The following VEGFA variants were observed in gnomAD, a reference collection of about 807,000 sequenced individuals.
The protein encoded by VEGFA is vascular endothelial growth factor A.
A neutral mutation model predicts 49.7 loss-of-function variants in VEGFA; 20 were observed. The ratio of observed to expected loss-of-function variants is 0.40; its 90% confidence interval spans 0.28 to 0.58. VEGFA has a LOEUF of 0.58. VEGFA is among the 20% of genes least tolerant of loss of function. The pLI is 0.40. For missense variants in VEGFA, 505 were observed against 553.5 expected, an observed-to-expected ratio of 0.91 and a Z score of 0.88; for synonymous variants, 219 against 223.4, an observed-to-expected ratio of 0.98 and a Z score of 0.18.
At chr6:43,775,574 C>T (rs1221485693) in intron 2 of VEGFA, 1 of 152,284 alleles carries the variant, frequency 6.6e-6, no homozygotes, top group Non-Finnish European at 1.5e-5. Context: ...TTACCAACCC[C>T]TTGCCCAGGC....
rs1457663984 is a variant in VEGFA, at chr6:43,771,116, A to G, written c.410A>G (p.Gln137Arg). The stretch of plus-strand genomic sequence containing the variant: ...AGTGCTCCAGCCGCGCGCGCTCCCC[A>G]GGCCCTGGCCCGGGCCTCGGGCCGG... Residue 137 changes from glutamine (Q) to arginine (R), a missense_variant, in exon 1 of 8, where the codon CAG becomes CGG. Around this residue, in one of 2 missense-constraint regions of VEGFA, gnomAD observed 340 missense variants for 321.8 expected, o/e 1.06. Transcript: ENST00000672860. The G allele has an allele frequency of 9.5e-6, 14 of 1,477,450 alleles. No homozygotes were observed. In the South Asian group the frequency reaches 1.5e-4, roughly 16 times the overall value. 91.5% of individuals were successfully genotyped at this position (1,477,450 alleles called of 1,614,324 possible).
chr6:43,779,051 T>A, intron 5 of VEGFA, 133 bp downstream of exon 5: 1 of 1,210,336 alleles, frequency 8.3e-7, no homozygotes, highest in Non-Finnish European at 1.2e-6. Flanking sequence ...GGACTTGTGG[T>A]GGCAGCAACA....
At chr6:43,774,979 C>G (rs1252573263) in intron 2 of VEGFA, 2 of 167,766 alleles carry the variant, frequency 1.2e-5, no homozygotes, top group African/African-American at 2.4e-5. Context: ...TGCCCAACCC[C>G]GAGTCCGCCT....
At chr6:43,780,825 T>C (rs1244112248) in intron 6 of VEGFA, 22 bp downstream of exon 6, 1 of 1,613,744 alleles carries the variant, frequency 6.2e-7, no homozygotes, top group Non-Finnish European at 8.5e-7. Flanking sequence ...CCCGCTGCTG[T>C]CTAATGCCCT....
intron 6 of VEGFA, chr6:43,781,640 G>A: frequency 2.6e-6 from 1 of 384,578 alleles, no homozygotes; most frequent in Non-Finnish European, 5.0e-6. Context: ...GGGGGCAACA[G>A]CAGTTGGGTC....
Position 43,786,254 on chromosome 6 carries a change from A to G in VEGFA, c.*1692A>G, listed in dbSNP as rs1385009536. The G allele has an allele frequency of 1.5e-4, 26 of 179,226 alleles. No individual in the cohort carries two copies. The Admixed American group carries it at 1.6e-3, about 11-fold the overall frequency. 11.1% of individuals were successfully genotyped at this position (179,226 alleles called of 1,614,324 possible). On this transcript the variant is annotated 3_prime_UTR_variant, in exon 8 of 8. Coordinates refer to ENST00000672860, the MANE Select transcript of VEGFA (RefSeq NM_003376.6). ...CAAGAAAAAATAGAGAATTCTACATACTAAATCTCTCTCCTTTTTTAATTT... is the reference window on the plus strand; with the variant it reads ...CAAGAAAAAATAGAGAATTCTACATGCTAAATCTCTCTCCTTTTTTAATTT...
chr6:43,770,627 T>A lies in VEGFA; in HGVS notation c.-80T>A. The A allele has an allele frequency of 6.8e-7, 1 of 1,469,118 alleles. No individual in the cohort carries two copies. The highest frequency in any genetic ancestry group is 8.9e-7 in the Non-Finnish European group (1 of 1,119,860). 91.0% of individuals were successfully genotyped at this position (1,469,118 alleles called of 1,614,324 possible). A position where few individuals can be genotyped will look rare whatever the true frequency, so the allele number is the denominator to read the frequency against. The stretch of plus-strand genomic sequence containing the variant: ...AGCAGCGAAAGCGACAGGGGCAAAG[T>A]GAGTGACCTGCTTTTGGGGGTGACC... On this transcript the variant is annotated 5_prime_UTR_variant, in exon 1 of 8. Transcript: ENST00000672860.
intron 2 of VEGFA, chr6:43,774,871 G>A (rs563285174): frequency 2.1e-4 from 39 of 185,276 alleles, no homozygotes; most frequent in Admixed American, 5.4e-4. Context: ...CATTCCTTTG[G>A]GGGTGGAGAA....
Position 43,785,475 on chromosome 6 carries a change from A to G in VEGFA, c.*913A>G, listed in dbSNP as rs10434. The G allele has an allele frequency of 0.6, 130,997 of 219,758 alleles. 40,015 individuals carry two copies. The highest frequency in any genetic ancestry group is 0.84 in the East Asian group (12,680 of 15,144). The allele number at this position is 219,758 out of a possible 1,614,324, so 13.6% of individuals were successfully genotyped here. A position where few individuals can be genotyped will look rare whatever the true frequency, so the allele number is the denominator to read the frequency against. On this transcript the variant is annotated 3_prime_UTR_variant, in exon 8 of 8. Transcript: ENST00000672860. ...CACCTGCTTCTGAGTTGCCCAGGAG[A>G]CCACTGGCAGATGTCCCGGCGAAGA... is the stretch of plus-strand genomic sequence containing the variant.
intron 7 of VEGFA, chr6:43,784,250 A>G: frequency 1.8e-6 from 1 of 558,514 alleles, no homozygotes; most frequent in South Asian, 2.1e-5. Context: ...TTGCTTTGTA[A>G]AGTGTTCCCA....
At chr6:43,782,383 G>A (rs906133082) in intron 7 of VEGFA, 5 of 421,812 alleles carry the variant, frequency 1.2e-5, no homozygotes, top group African/African-American at 2.0e-5. Flanking sequence ...TGTGTGTTGT[G>A]TCCTGTGGTC....
intron 1 of VEGFA, among the ~76,000 whole-genome samples, chr6:43,771,780 G>A (rs1012391787): frequency 6.6e-6 from 1 of 152,194 alleles, no homozygotes; most frequent in Non-Finnish European, 1.5e-5. Flanking sequence ...GCAGGAGGGA[G>A]AGGGGGCTTG....
chr6:43,784,474 C>T (rs376573786), intron 7 of VEGFA, 67 bp from the exon 8 acceptor site: 470 of 1,534,932 alleles, frequency 3.1e-4, no homozygotes, highest in Non-Finnish European at 3.7e-4. Context: ...ATGGGGAGGC[C>T]GCCTGCCTCA....
Position 43,770,646 on chromosome 6 carries a change from G to A in VEGFA, c.-61G>A. ...GCAAAGTGAGTGACCTGCTTTTGGG[G>A]GTGACCGCCGGAGCGCGGCGTGAGC... On this transcript the variant is annotated 5_prime_UTR_variant, in exon 1 of 8. Transcript: ENST00000672860. 6.7e-7 allele frequency: 1 copy of A among 1,495,256 alleles called. No homozygotes were observed. The highest frequency in any genetic ancestry group is 8.8e-7 in the Non-Finnish European group (1 of 1,132,794). The allele number at this position is 1,495,256 out of a possible 1,614,324, so 92.6% of individuals were successfully genotyped here.
intron 1 of VEGFA, among the ~76,000 whole-genome samples, chr6:43,771,786 G>C (rs58414032): frequency 0.32 from 48,487 of 152,060 alleles, 7,758 homozygotes; most frequent in East Asian, 0.4. Context: ...GGGAGAGGGG[G>C]CTTGCTGTCA....
In VEGFA at chr6:43,780,803, T is replaced by C. The variant is rs538728097; in HGVS notation, c.1034T>C (p.Val345Ala). 29 of 1,613,926 alleles carry C rather than the reference T, an allele frequency of 1.8e-5. 1 individual carries two copies. Among genetic ancestry groups the C allele is most frequent in the Middle Eastern group, 3.3e-4 (2 of 6,002 alleles). ...AAATCCCGGTATAAGTCCTGGAGCG[T>C]GTACGTTGGTGCCCGCTGCTGTCTA... Residue 345 changes from valine (V) to alanine (A), a missense_variant and splice_region_variant, in exon 6 of 8, where the codon GTT becomes GCT. Physicochemically the swap from Val to Ala is moderately conservative, Grantham distance 64. Around this residue, in one of 2 missense-constraint regions of VEGFA, gnomAD observed 165 missense variants for 231.7 expected, o/e 0.71. Coordinates refer to ENST00000672860, the MANE Select transcript of VEGFA (RefSeq NM_003376.6).
chr6:43,774,243 G>T, intron 1 of VEGFA, 98 bp from the exon 2 acceptor site: 1 of 1,308,372 alleles, frequency 7.6e-7, no homozygotes, highest in Non-Finnish European at 1.1e-6. Context: ...AGAGGCTGTT[G>T]GTGGGAGGGA....
Position 43,785,055 on chromosome 6 carries a change from C to T in VEGFA, c.*493C>T, listed in dbSNP as rs1208019685. On this transcript the variant is annotated 3_prime_UTR_variant, in exon 8 of 8. Transcript: ENST00000672860. Reference sequence around the variant, plus strand: ...ACTGGATGTATTTGACTGCTGTGGACTTGAGTTGGGAGGGGAATGTTCCCA... The same window carrying T: ...ACTGGATGTATTTGACTGCTGTGGATTTGAGTTGGGAGGGGAATGTTCCCA... 1 of 187,736 alleles carries T rather than the reference C, an allele frequency of 5.3e-6. No homozygotes were observed. Among genetic ancestry groups the T allele is most frequent in the Non-Finnish European group, 1.1e-5 (1 of 89,188 alleles). The allele number at this position is 187,736 out of a possible 1,614,324, so 11.6% of individuals were successfully genotyped here. A position where few individuals can be genotyped will look rare whatever the true frequency, so the allele number is the denominator to read the frequency against.
rs550388177 is a variant in VEGFA at position 43,778,118 on chromosome 6, C to T, written c.856-342C>T. On this transcript the variant is annotated intron_variant, in intron 3 of 7. Coordinates refer to ENST00000672860, the MANE Select transcript of VEGFA (RefSeq NM_003376.6). ...TGAAACACAGGGAGGGGGTTGCTTTCGGGTATCTACTAGGAGTCAGGGTGA... is the reference window on the plus strand; with the variant it reads ...TGAAACACAGGGAGGGGGTTGCTTTTGGGTATCTACTAGGAGTCAGGGTGA... 4.9e-4 allele frequency: 232 copies of T among 473,554 alleles called. 4 individuals carry two copies. Among genetic ancestry groups the T allele is most frequent in the South Asian group, 4.6e-3 (214 of 46,092 alleles). The allele number at this position is 473,554 out of a possible 1,614,324, so 29.3% of individuals were successfully genotyped here.
Sources: gnomAD v4.1 joint callset for allele counts (sites outside exome capture counted in the v4.1 genomes callset) on GRCh38, gnomAD v4.1.1 for gene constraint, gnomAD v4.1.1 regional missense constraint, MANE v1.5 for transcripts, NCBI Gene and HGNC (gene_info 2026-07-23, HGNC 2026-07-21) for gene names.